GBE1: variants seen among roughly 807,000 people sequenced by gnomAD.
GBE1 encodes 1,4-alpha-glucan branching enzyme 1.
In GBE1, 70 loss-of-function variants were observed where a neutral mutation model predicts 88.8. That is an observed-to-expected ratio of 0.79 (90% CI 0.65 to 0.96). GBE1 has a LOEUF of 0.96. Among genes scored for constraint, GBE1 ranks in the 40% least tolerant of loss-of-function variants. GBE1 has a pLI of 0.00. For missense variants in GBE1, 872 were observed against 871.0 expected, an observed-to-expected ratio of 1.00 and a Z score of -0.01; for synonymous variants, 284 against 300.1, an observed-to-expected ratio of 0.95 and a Z score of 0.56.
rs771331101 is a variant in GBE1 at position 81,646,476 on chromosome 3, T to C, written c.698A>G (p.Asn233Ser). 7.6e-6 allele frequency: 12 copies of C among 1,580,796 alleles called. No homozygotes were observed. Among genetic ancestry groups the C allele is most frequent in the Non-Finnish European group, 1.0e-5 (12 of 1,156,950 alleles). ...VLPRIKGLGYNCIQLMAIMEH... is the reference protein window; with the variant it reads ...VLPRIKGLGYSCIQLMAIMEH... ...CATGATTGCCATCAACTGAATGCAG[T>C]TGTATCCTATATAAGGCAATGGTCA... Residue 233 changes from asparagine (N) to serine (S), a missense_variant, in exon 6 of 16, where the codon AAC becomes AGC. By Grantham distance (46) the Asn-to-Ser change is conservative. Coordinates refer to ENST00000429644, the MANE Select transcript of GBE1 (RefSeq NM_000158.4).
At chr3:81,713,181 C>G (rs889803350) in intron 1 of GBE1, among the ~76,000 whole-genome samples, 1 of 152,128 alleles carries the variant, frequency 6.6e-6, no homozygotes, top group African/African-American at 2.4e-5. Flanking sequence ...ATGAGCAAGA[C>G]CAGGAAGGAA....
chr3:81,747,997 G>A (rs1706441442), intron 1 of GBE1, among the ~76,000 whole-genome samples: 1 of 152,170 alleles, frequency 6.6e-6, no homozygotes, highest in Non-Finnish European at 1.5e-5. Context: ...GCACGCACCT[G>A]TAATCCCAGC....
chr3:81,564,100 C>T (rs1703458269), intron 12 of GBE1, among the ~76,000 whole-genome samples: 1 of 152,106 alleles, frequency 6.6e-6, no homozygotes, highest in South Asian at 2.1e-4. Flanking sequence ...AGGGCTCTTA[C>T]ATCACGAATG....
chr3:81,748,521 G>A (rs1424783453), intron 1 of GBE1, among the ~76,000 whole-genome samples: 1 of 151,972 alleles, frequency 6.6e-6, no homozygotes, highest in Non-Finnish European at 1.5e-5. Flanking sequence ...TGGGGCAGGA[G>A]AATGGCGTGA....
chr3:81,630,546 T>C (rs1435812034), intron 7 of GBE1, among the ~76,000 whole-genome samples: 1 of 152,168 alleles, frequency 6.6e-6, no homozygotes, highest in African/African-American at 2.4e-5. Flanking sequence ...GGCACCCAGT[T>C]CCATTACTAC....
At chr3:81,672,473 C>T (rs1705201828) in intron 2 of GBE1, among the ~76,000 whole-genome samples, 2 of 151,710 alleles carry the variant, frequency 1.3e-5, no homozygotes, top group Non-Finnish European at 2.9e-5. Context: ...TGCAAATATC[C>T]CACACACAAA....
chr3:81,537,692 A>C (rs1209952795), intron 12 of GBE1, among the ~76,000 whole-genome samples: 1 of 151,990 alleles, frequency 6.6e-6, no homozygotes, highest in Non-Finnish European at 1.5e-5. Context: ...TGTAAACTTC[A>C]GGTGCTAAGG....
chr3:81,716,161 T>C lies in GBE1; in HGVS notation c.144-10548A>G, dbSNP rs147006950. On this transcript the variant is annotated intron_variant, in intron 1 of 15. Transcript: ENST00000429644. ...AAATTGTTAGTGTCTTATTTTCTGA[T>C]GTGAAGGAATAAAAGCTAATTAAGT... Among the ~76,000 whole-genome samples, 778 of 152,286 alleles carry C rather than the reference T, an allele frequency of 5.1e-3. 2 individuals carry two copies. The highest frequency in any genetic ancestry group is 6.8e-3 in the Non-Finnish European group (465 of 67,996).
At chr3:81,544,891 G>T (rs1703185710) in intron 12 of GBE1, among the ~76,000 whole-genome samples, 1 of 152,030 alleles carries the variant, frequency 6.6e-6, no homozygotes, top group African/African-American at 2.4e-5. Context: ...TGATTAGCAG[G>T]TTTGTGTATT....
intron 1 of GBE1, among the ~76,000 whole-genome samples, chr3:81,732,627 A>G (rs369533084): frequency 6.9e-4 from 105 of 152,220 alleles, no homozygotes; most frequent in African/African-American, 2.4e-3. Flanking sequence ...CAATTTTATA[A>G]TTTCTTACCA....
chr3:81,591,080 T>C lies in GBE1; in HGVS notation c.1193A>G (p.His398Arg), dbSNP rs755004170. 1 of 1,610,564 alleles carries C rather than the reference T, an allele frequency of 6.2e-7. No homozygotes were observed. Among genetic ancestry groups the C allele is most frequent in the Non-Finnish European group, 8.5e-7 (1 of 1,178,116 alleles). ...ATCGGGACACAGCGTGTGAACCAAA[T>C]GATTTGCCAACATGAGGTAAGTCAA... is the stretch of plus-strand genomic sequence containing the variant. ...DALTYLMLANHLVHTLCPDSI... is the reference protein window; with the variant it reads ...DALTYLMLANRLVHTLCPDSI... Residue 398 changes from histidine (H) to arginine (R), a missense_variant, in exon 9 of 16, where the codon CAT becomes CGT. Transcript: ENST00000429644.
chr3:81,695,098 A>G (rs1705572007), intron 2 of GBE1, among the ~76,000 whole-genome samples: 1 of 152,220 alleles, frequency 6.6e-6, no homozygotes, highest in African/African-American at 2.4e-5. Flanking sequence ...GAGAAACACT[A>G]CATTTTAATC....
chr3:81,630,413 A>T (rs536504056), intron 7 of GBE1, among the ~76,000 whole-genome samples: 1 of 152,274 alleles, frequency 6.6e-6, no homozygotes, highest in South Asian at 2.1e-4. Context: ...AACTATTTTA[A>T]AGTTCATATG....
At chr3:81,688,386 C>T (rs1705470327) in intron 2 of GBE1, among the ~76,000 whole-genome samples, 1 of 152,210 alleles carries the variant, frequency 6.6e-6, no homozygotes, top group Non-Finnish European at 1.5e-5. Flanking sequence ...CAACGCCTAA[C>T]ACAGAATCAC....
intron 12 of GBE1, among the ~76,000 whole-genome samples, chr3:81,576,892 A>T (rs1190494801): frequency 6.6e-6 from 1 of 152,142 alleles, no homozygotes; most frequent in African/African-American, 2.4e-5. Flanking sequence ...TTAAAAGTTC[A>T]ATCTGAGATT....
intron 7 of GBE1, among the ~76,000 whole-genome samples, chr3:81,620,153 GAGA>G (rs1287802259): frequency 6.6e-6 from 1 of 150,958 alleles, no homozygotes. Context: ...ATGACAGCAT[GAGA>G]AGGTCAAATT....
Position 81,490,349 on chromosome 3 carries a change from G to T in GBE1, c.*58C>A. The T allele has an allele frequency of 7.6e-7, 1 of 1,318,334 alleles. No homozygotes were observed. The highest frequency in any genetic ancestry group is 1.1e-6 in the Non-Finnish European group (1 of 910,646). 81.7% of individuals were successfully genotyped at this position (1,318,334 alleles called of 1,614,324 possible). Reference sequence around the variant, plus strand: ...CATACATGTTATAAGCTGTGTGACAGTGATAACAAGAAAACAAAACACAAA... The same window carrying T: ...CATACATGTTATAAGCTGTGTGACATTGATAACAAGAAAACAAAACACAAA... On this transcript the variant is annotated 3_prime_UTR_variant, in exon 16 of 16. Transcript: ENST00000429644.
chr3:81,517,355 C>CTAT (rs1045264157), intron 14 of GBE1, among the ~76,000 whole-genome samples: 25 of 151,326 alleles, frequency 1.7e-4, no homozygotes, highest in African/African-American at 5.6e-4. Flanking sequence ...AGACATAAGG[C>CTAT]TATTGCACAC....
intron 12 of GBE1, among the ~76,000 whole-genome samples, chr3:81,557,858 C>A (rs1330071585): frequency 2.6e-5 from 4 of 151,866 alleles, no homozygotes; most frequent in Non-Finnish European, 5.9e-5. Flanking sequence ...ACAGGAGAAT[C>A]ATAACATAAC....
Sources: gnomAD v4.1 joint callset for allele counts (sites outside exome capture counted in the v4.1 genomes callset) on GRCh38, gnomAD v4.1.1 for gene constraint, MANE v1.5 for transcripts, NCBI Gene and HGNC (gene_info 2026-07-23, HGNC 2026-07-21) for gene names.